RELN: variants seen among roughly 807,000 people sequenced by gnomAD.
The protein encoded by RELN is reelin.
In RELN, 108 loss-of-function variants were observed where a neutral mutation model predicts 427.6. The observed-to-expected ratio is 0.25, with a 90% confidence interval of 0.22 to 0.30. RELN has a LOEUF of 0.30. Among genes scored for constraint, RELN ranks in the 10% least tolerant of loss-of-function variants. The probability of loss-of-function intolerance (pLI) is 1.00; values close to 1 mark genes in which losing one functional copy is unlikely to be tolerated. For missense variants in RELN, 3,715 were observed against 4,302.8 expected, an observed-to-expected ratio of 0.86 and a Z score of 3.82; for synonymous variants, 1,524 against 1,513.4, an observed-to-expected ratio of 1.01 and a Z score of -0.16.
At chr7:103,488,446 C>T (rs868537255) in intron 60 of RELN, among the ~76,000 whole-genome samples, 2 of 152,162 alleles carry the variant, frequency 1.3e-5, no homozygotes, top group South Asian at 4.1e-4. Context: ...AATACAGTGA[C>T]AGACCCAGCC....
intron 22 of RELN, among the ~76,000 whole-genome samples, chr7:103,606,519 A>T (rs1679248023): frequency 6.6e-6 from 1 of 152,008 alleles, no homozygotes; most frequent in Non-Finnish European, 1.5e-5. Flanking sequence ...AATTTCTAAG[A>T]TCCCTTCCAG....
rs1832676269 is a variant in RELN, at chr7:103,640,570, C to T, written c.2042G>A (p.Arg681Lys). 3.1e-6 allele frequency: 5 copies of T among 1,613,716 alleles called. No homozygotes were observed. Among genetic ancestry groups the T allele is most frequent in the African/African-American group, 1.3e-5 (1 of 74,912 alleles). The part of the protein sequence containing the change: ...GPSCLKFCSG[R>K]GQCTRHGCKC... ...GCAACCATGTCTAGTGCACTGTCCT[C>T]TGCCAGAACAGAATTTGAGACATGA... Residue 681 changes from arginine (R) to lysine (K), a missense_variant, in exon 17 of 65, where the codon AGA becomes AAA. Physicochemically the swap from Arg to Lys is conservative, Grantham distance 26 (BLOSUM62 2). Coordinates refer to ENST00000428762, the MANE Select transcript of RELN (RefSeq NM_005045.4). This position sits in a 1 kb window ranked among gnomAD's most constrained non-coding sequence, Gnocchi z 4.1.
At chr7:103,854,360 G>A (rs1332312406) in intron 2 of RELN, among the ~76,000 whole-genome samples, 2 of 152,138 alleles carry the variant, frequency 1.3e-5, no homozygotes, top group Non-Finnish European at 2.9e-5. Flanking sequence ...ATTACATTCT[G>A]AACTTTTTTT....
At chr7:103,514,046 T>C in intron 50 of RELN, 1 of 152,208 alleles carries the variant, frequency 6.6e-6, no homozygotes, top group East Asian at 1.9e-4. Flanking sequence ...ATGCTATTCT[T>C]CTGGAAGATT....
chr7:103,944,040 C>T (rs1796170125), intron 1 of RELN, among the ~76,000 whole-genome samples: 1 of 151,836 alleles, frequency 6.6e-6, no homozygotes, highest in African/African-American at 2.4e-5. Context: ...TATAGTAGGA[C>T]TGGAGATCAA....
At chr7:103,692,877 A>C (rs1833900687) in intron 10 of RELN, among the ~76,000 whole-genome samples, 1 of 152,072 alleles carries the variant, frequency 6.6e-6, no homozygotes, top group South Asian at 2.1e-4. Context: ...AGCTATGCAA[A>C]ACTTCTCAGA....
chr7:103,686,230 A>T (rs1833762128), intron 10 of RELN, among the ~76,000 whole-genome samples: 1 of 152,154 alleles, frequency 6.6e-6, no homozygotes, highest in Non-Finnish European at 1.5e-5. Flanking sequence ...CTTCCCCTCC[A>T]CATGAGCAGA....
intron 2 of RELN, among the ~76,000 whole-genome samples, chr7:103,863,344 T>C (rs1000950904): frequency 3.3e-5 from 5 of 152,168 alleles, no homozygotes; most frequent in African/African-American, 1.2e-4. Context: ...CCTGGAAGCA[T>C]CTGACCTAAT....
At chr7:103,947,492 T>C (rs1330141589) in intron 1 of RELN, among the ~76,000 whole-genome samples, 1 of 152,158 alleles carries the variant, frequency 6.6e-6, no homozygotes, top group African/African-American at 2.4e-5. Flanking sequence ...AAGAAACATA[T>C]GGAAAAGATA....
chr7:103,947,125 C>T (rs1179692241), intron 1 of RELN, among the ~76,000 whole-genome samples: 2 of 152,144 alleles, frequency 1.3e-5, no homozygotes, highest in Non-Finnish European at 1.5e-5. Context: ...AGTCATAATG[C>T]TTTATTCTTA....
intron 6 of RELN, among the ~76,000 whole-genome samples, chr7:103,728,409 A>T (rs1029833823): frequency 6.6e-6 from 1 of 152,202 alleles, no homozygotes; most frequent in African/African-American, 2.4e-5. Flanking sequence ...TCTTTCAGTT[A>T]CTTACAGTGG....
At chr7:103,623,954 C>A (rs541707955) in intron 20 of RELN, among the ~76,000 whole-genome samples, 6 of 152,202 alleles carry the variant, frequency 3.9e-5, no homozygotes, top group South Asian at 2.1e-4. Flanking sequence ...TCTTTTGTAA[C>A]TTAAAATTCC....
intron 2 of RELN, among the ~76,000 whole-genome samples, chr7:103,911,131 T>C (rs1281005699): frequency 8.3e-5 from 12 of 144,058 alleles, no homozygotes; most frequent in Non-Finnish European, 1.2e-4. Flanking sequence ...ATCCAGAATC[T>C]ACAATGAACT....
intron 1 of RELN, among the ~76,000 whole-genome samples, chr7:103,979,391 G>A (rs1205085935): frequency 6.6e-6 from 1 of 152,216 alleles, no homozygotes; most frequent in East Asian, 1.9e-4. Context: ...TTGCCATAAA[G>A]TCTAGAGCTG....
chr7:103,650,528 T>C, intron 15 of RELN, 145 bp from the exon 16 acceptor site: 1 of 713,252 alleles, frequency 1.4e-6, no homozygotes. Context: ...ACTTGTGGAA[T>C]TTGTTTGTAT....
chr7:103,472,596 C>G lies in RELN; in HGVS notation c.*216G>C. Reference sequence around the variant, plus strand: ...TACAACAGATCACAACTTTCACGGACACATCAACATGAAGACATTTACTTA... The same window carrying G: ...TACAACAGATCACAACTTTCACGGAGACATCAACATGAAGACATTTACTTA... On this transcript the variant is annotated 3_prime_UTR_variant, in exon 65 of 65. Transcript: ENST00000428762. The G allele has an allele frequency of 1.8e-6, 1 of 544,586 alleles. No homozygotes were observed. Among genetic ancestry groups the G allele is most frequent in the Middle Eastern group, 5.2e-4 (1 of 1,926 alleles). The allele number at this position is 544,586 out of a possible 1,614,324, so 33.7% of individuals were successfully genotyped here. A position where few individuals can be genotyped will look rare whatever the true frequency, so the allele number is the denominator to read the frequency against.
intron 2 of RELN, among the ~76,000 whole-genome samples, chr7:103,860,786 C>T (rs1240514832): frequency 6.6e-6 from 1 of 152,146 alleles, no homozygotes; most frequent in East Asian, 1.9e-4. Flanking sequence ...GTATTATCAT[C>T]ATCATCATCA....
intron 2 of RELN, among the ~76,000 whole-genome samples, chr7:103,875,568 G>T (rs1338823231): frequency 6.6e-6 from 1 of 152,144 alleles, no homozygotes. Context: ...TGTTACACCA[G>T]AAAGATGCTA....
At chr7:103,777,772 C>T (rs1041069243) in intron 3 of RELN, among the ~76,000 whole-genome samples, 3 of 152,094 alleles carry the variant, frequency 2.0e-5, no homozygotes, top group African/African-American at 4.8e-5. Flanking sequence ...TAGTGTCAGT[C>T]CCCGTGGACC....
Sources: allele counts gnomAD v4.1 joint callset (sites outside exome capture counted in the v4.1 genomes callset), GRCh38; gene constraint gnomAD v4.1.1; non-coding constraint Gnocchi (gnomAD v3.1); transcripts MANE v1.5; gene names NCBI Gene and HGNC (gene_info 2026-07-23, HGNC 2026-07-21).